Variants in RFTN1 observed in about 807,000 individuals in gnomAD.
RFTN1 encodes the protein raftlin.
RFTN1 carries 26 observed loss-of-function variants against 46.5 expected under a neutral mutation model. The ratio of observed to expected loss-of-function variants is 0.56; its 90% CI spans 0.41 to 0.78. The LOEUF (loss-of-function observed/expected upper bound fraction) is 0.78, where lower values mean the gene tolerates loss of function less well. RFTN1 is among the 30% of genes least tolerant of loss of function. The pLI is 0.00. For synonymous variants in RFTN1, 261 were observed against 284.2 expected, an observed-to-expected ratio of 0.92 and a Z score of 0.82; for missense variants, 693 against 718.7, an observed-to-expected ratio of 0.96 and a Z score of 0.41.
At chr3:16,435,733 A>C (rs974912299) in intron 2 of RFTN1, among the ~76,000 whole-genome samples, 1 of 152,092 alleles carries the variant, frequency 6.6e-6, no homozygotes, top group Non-Finnish European at 1.5e-5. Context: ...GAAAAATCTC[A>C]TTCCTACATG....
In RFTN1 at chr3:16,409,402, C is replaced by G. The variant is rs1266408402; in HGVS notation, c.414G>C (p.Gln138His). 1.2e-6 allele frequency: 2 copies of G among 1,612,908 alleles called. No homozygotes were observed. Among genetic ancestry groups the G allele is most frequent in the African/African-American group, 2.7e-5 (2 of 74,920 alleles). ...TCTTAATGAACTCTGGGATGAGTTT[C>G]TGGTCTGTCGGGTGGTCTAAGGAGG... is the stretch of plus-strand genomic sequence containing the variant. ...CCSSLDHPTDQKLIPEFIKKI... is the reference protein window; with the variant it reads ...CCSSLDHPTDHKLIPEFIKKI... The change falls in exon 4 of 10, where the codon CAG (glutamine) becomes CAC (histidine). Residue 138 changes from glutamine to histidine, a missense_variant. Gln to His is a conservative substitution (Grantham distance 24, BLOSUM62 0). Transcript: ENST00000334133.
At position 16,400,040 on chromosome 3, in the gene RFTN1, G is replaced by A. The variant is rs1210273043; in HGVS notation, c.441+9335C>T. ...CCAGTCACTAACCTGCAGCCATTCTGATCTTTCCAAAGTATACATTTAGGA... is the reference window on the plus strand; with the variant it reads ...CCAGTCACTAACCTGCAGCCATTCTAATCTTTCCAAAGTATACATTTAGGA... On this transcript the variant is annotated intron_variant, in intron 4 of 9. Transcript: ENST00000334133. This position sits in a 1 kb window ranked among gnomAD's most constrained non-coding sequence, Gnocchi z 4.5. Among the ~76,000 whole-genome samples the A allele has an allele frequency of 6.6e-6, 1 of 152,152 alleles. No individual in the cohort carries two copies. The highest frequency in any genetic ancestry group is 1.5e-5 in the Non-Finnish European group (1 of 68,028).
In RFTN1 at chr3:16,446,770, G is replaced by T. The variant is rs2075738662; in HGVS notation, c.146-12733C>A. 6.6e-6 allele frequency among the ~76,000 whole-genome samples: 1 copy of T among 150,902 alleles called. No homozygotes were observed. Among genetic ancestry groups the T allele is most frequent in the Admixed American group, 6.6e-5 (1 of 15,154 alleles). On this transcript the variant is annotated intron_variant, in intron 2 of 9. Transcript: ENST00000334133. This position sits in a 1 kb window ranked among gnomAD's most constrained non-coding sequence, Gnocchi z 4.5. ...AAAAGTGCGGTACCCGAGGGTATGA[G>T]CACACTTGAGTTTGGCATCTACACA...
chr3:16,383,150 G>A lies in RFTN1; in HGVS notation c.442-5048C>T, dbSNP rs779648410. Among the ~76,000 whole-genome samples, 8 of 152,124 alleles carry A rather than the reference G, an allele frequency of 5.3e-5. No individual in the cohort carries two copies. Among genetic ancestry groups the A allele is most frequent in the South Asian group, 2.1e-4 (1 of 4,824 alleles). ...CTACCCAAAGCCATGCCTGGCTTTCGCTCTGAGTATCCTAAGCCCAACCTG... is the reference window on the plus strand; with the variant it reads ...CTACCCAAAGCCATGCCTGGCTTTCACTCTGAGTATCCTAAGCCCAACCTG... On this transcript the variant is annotated intron_variant, in intron 4 of 9. Coordinates refer to ENST00000334133, the MANE Select transcript of RFTN1 (RefSeq NM_015150.2). The surrounding 1 kb of genome is among the most constrained non-coding windows in gnomAD (Gnocchi z 4.0).
chr3:16,479,922 C>A lies in RFTN1; in HGVS notation c.145+13803G>T, dbSNP rs2076337711. Reference sequence around the variant, plus strand: ...GCTTCTCCAAGATAACACACAGACTCTATTAGGGCTATACCCAAGCTGGCC... The same window carrying A: ...GCTTCTCCAAGATAACACACAGACTATATTAGGGCTATACCCAAGCTGGCC... On this transcript the variant is annotated intron_variant, in intron 2 of 9. Coordinates refer to ENST00000334133, the MANE Select transcript of RFTN1 (RefSeq NM_015150.2). This position sits in a 1 kb window ranked among gnomAD's most constrained non-coding sequence, Gnocchi z 5.1. Among the ~76,000 whole-genome samples, 1 of 152,206 alleles carries A rather than the reference C, an allele frequency of 6.6e-6. No homozygotes were observed. The highest frequency in any genetic ancestry group is 2.4e-5 in the African/African-American group (1 of 41,444).
At chr3:16,350,352 C>T (rs565044995) in intron 7 of RFTN1, 1 of 152,164 alleles carries the variant, frequency 6.6e-6, no homozygotes, top group African/African-American at 2.4e-5. Flanking sequence ...GCATTTGTTT[C>T]TTTAGAAGAG....
At chr3:16,392,146 A>T (rs1049876437) in intron 4 of RFTN1, among the ~76,000 whole-genome samples, 1 of 152,046 alleles carries the variant, frequency 6.6e-6, no homozygotes, top group African/African-American at 2.4e-5. Flanking sequence ...TCCTAATGGG[A>T]CCTGGCTCTT....
chr3:16,491,790 A>C (rs910113701), intron 2 of RFTN1, among the ~76,000 whole-genome samples: 2 of 152,200 alleles, frequency 1.3e-5, no homozygotes, highest in Non-Finnish European at 2.9e-5. Context: ...AAAAAAAAAA[A>C]CAACTGCAAA....
chr3:16,392,697 T>A (rs2074380165), intron 4 of RFTN1, among the ~76,000 whole-genome samples: 1 of 150,752 alleles, frequency 6.6e-6, no homozygotes, highest in Admixed American at 6.6e-5. Flanking sequence ...ATATATATCA[T>A]AAATAAAAGT....
chr3:16,481,787 AG>A lies in RFTN1; in HGVS notation c.145+11937del, dbSNP rs2076371522. Among the ~76,000 whole-genome samples the A allele has an allele frequency of 6.6e-6, 1 of 152,354 alleles. No homozygotes were observed. Among genetic ancestry groups the A allele is most frequent in the African/African-American group, 2.4e-5 (1 of 41,572 alleles). On this transcript the variant is annotated intron_variant, in intron 2 of 9. Coordinates refer to ENST00000334133, the MANE Select transcript of RFTN1 (RefSeq NM_015150.2). The surrounding 1 kb of genome is among the most constrained non-coding windows in gnomAD (Gnocchi z 5.1). ...GGTTTCACAGAAGTCAATGTTACCT[AG>A]AGGAGCAAGGAGCGATTTTCTAGGA...
Position 16,421,099 on chromosome 3 carries a change from C to T in RFTN1, c.333-11616G>A, listed in dbSNP as rs895981307. On this transcript the variant is annotated intron_variant, in intron 3 of 9. Transcript: ENST00000334133. The surrounding 1 kb of genome is among the most constrained non-coding windows in gnomAD (Gnocchi z 4.6). ...TGAGTACCACTGTACTAACATCTTA[C>T]ATATGTTATAAAACAAAACATACAA... is the stretch of plus-strand genomic sequence containing the variant. 9.9e-5 allele frequency among the ~76,000 whole-genome samples: 15 copies of T among 152,180 alleles called. No homozygotes were observed. Among genetic ancestry groups the T allele is most frequent in the Non-Finnish European group, 2.1e-4 (14 of 68,040 alleles).
At chr3:16,485,692 G>C (rs1416683033) in intron 2 of RFTN1, among the ~76,000 whole-genome samples, 2 of 152,242 alleles carry the variant, frequency 1.3e-5, no homozygotes, top group Non-Finnish European at 2.9e-5. Context: ...CTTGAGTGTG[G>C]TGATAGTTCT....
chr3:16,454,475 C>G (rs1396299066), intron 2 of RFTN1, among the ~76,000 whole-genome samples: 3 of 151,828 alleles, frequency 2.0e-5, no homozygotes, highest in Non-Finnish European at 4.4e-5. Flanking sequence ...TTTGCTCACT[C>G]AAGTCTGAGG....
intron 7 of RFTN1, among the ~76,000 whole-genome samples, chr3:16,333,935 G>T (rs547297118): frequency 1.3e-5 from 2 of 152,204 alleles, no homozygotes; most frequent in Non-Finnish European, 2.9e-5. Context: ...GGAGGCCGAC[G>T]CGGGTAGAGC....
chr3:16,375,773 G>A (rs4684278), intron 5 of RFTN1, among the ~76,000 whole-genome samples: 1 of 152,010 alleles, frequency 6.6e-6, no homozygotes, highest in Admixed American at 6.5e-5. Flanking sequence ...CTCATCCACT[G>A]GTGGGCTGAC....
At position 16,475,974 on chromosome 3, in the gene RFTN1, C is replaced by T. The variant is rs1313851128; in HGVS notation, c.145+17751G>A. Among the ~76,000 whole-genome samples, 2 of 152,212 alleles carry T rather than the reference C, an allele frequency of 1.3e-5. No individual in the cohort carries two copies. Among genetic ancestry groups the T allele is most frequent in the Admixed American group, 1.3e-4 (2 of 15,284 alleles). On this transcript the variant is annotated intron_variant, in intron 2 of 9. Coordinates refer to ENST00000334133, the MANE Select transcript of RFTN1 (RefSeq NM_015150.2). The surrounding 1 kb of genome is among the most constrained non-coding windows in gnomAD (Gnocchi z 4.2). ...GTGTGAATACTGCATGAAGCATAGACACATCATAGGCAGAAACAAAGCTGT... is the reference window on the plus strand; with the variant it reads ...GTGTGAATACTGCATGAAGCATAGATACATCATAGGCAGAAACAAAGCTGT...
intron 4 of RFTN1, among the ~76,000 whole-genome samples, chr3:16,388,216 TC>T (rs2074253250): frequency 6.6e-6 from 1 of 152,094 alleles, no homozygotes. Context: ...GGCATGCTGT[TC>T]CCCCCTCCAT....
rs2073949932 is a variant in RFTN1, at chr3:16,380,502, C to T, written c.442-2400G>A. Among the ~76,000 whole-genome samples the T allele has an allele frequency of 6.6e-6, 1 of 152,176 alleles. No individual in the cohort carries two copies. The highest frequency in any genetic ancestry group is 2.4e-5 in the African/African-American group (1 of 41,430). On this transcript the variant is annotated intron_variant, in intron 4 of 9. Transcript: ENST00000334133. The surrounding 1 kb of genome is among the most constrained non-coding windows in gnomAD (Gnocchi z 4.8). ...CTTGGACACAGACACCTGCCCTTCT[C>T]CCACAACAAACCAGACAACCATATT...
rs1359946394 is a variant in RFTN1 at position 16,348,248 on chromosome 3, GC to G, written c.1146+9683del. Among the ~76,000 whole-genome samples, 1 of 152,040 alleles carries G rather than the reference GC, an allele frequency of 6.6e-6. No homozygotes were observed. Among genetic ancestry groups the G allele is most frequent in the Non-Finnish European group, 1.5e-5 (1 of 67,998 alleles). On this transcript the variant is annotated intron_variant, in intron 7 of 9. Coordinates refer to ENST00000334133, the MANE Select transcript of RFTN1 (RefSeq NM_015150.2). This position sits in a 1 kb window ranked among gnomAD's most constrained non-coding sequence, Gnocchi z 6.3. ...GCATGATGGTAAAAAGGAAGCCGAG[GC>G]ATCTAGATCACTGACATTATCCATA...
Sources: allele counts gnomAD v4.1 joint callset (sites outside exome capture counted in the v4.1 genomes callset), GRCh38; gene constraint gnomAD v4.1.1; non-coding constraint Gnocchi (gnomAD v3.1); transcripts MANE v1.5; gene names NCBI Gene and HGNC (gene_info 2026-07-23, HGNC 2026-07-21).